ZNF44: variants seen among roughly 807,000 people sequenced by gnomAD.
ZNF44 encodes the protein zinc finger protein 44.
A neutral mutation model predicts 11.7 loss-of-function variants in ZNF44; 9 were observed. The ratio of observed to expected loss-of-function variants is 0.77; its 90% CI spans 0.46 to 1.35. The LOEUF (loss-of-function observed/expected upper bound fraction) is 1.35, where lower values mean the gene tolerates loss of function less well. Ranked by LOEUF, ZNF44 falls within the 40% of genes most tolerant of loss-of-function variation. The probability of loss-of-function intolerance (pLI) is 0.00; values close to 1 mark genes in which losing one functional copy is unlikely to be tolerated. For synonymous variants in ZNF44, 224 were observed against 242.7 expected (o/e 0.92, Z 0.72); for missense variants, 696 against 743.1 (o/e 0.94, Z 0.74).
Position 12,273,275 on chromosome 19 carries a change from T to C in ZNF44, c.980A>G (p.His327Arg), listed in dbSNP as rs1380584704. 1.2e-6 allele frequency: 2 copies of C among 1,614,194 alleles called. No homozygotes were observed. Among genetic ancestry groups the C allele is most frequent in the Non-Finnish European group, 8.5e-7 (1 of 1,180,026 alleles). The change falls in exon 4 of 4, where the codon CAC (histidine) becomes CGC (arginine). Residue 327 changes from histidine to arginine, a missense_variant. Physicochemically the swap from His to Arg is conservative, Grantham distance 29. Coordinates refer to ENST00000355684, the MANE Select transcript of ZNF44 (RefSeq NM_016264.4). ...AFCHLGSFQR[H>R]MIMHSGDGPH... ...TCCATCTCCACTGTGCATTATCATG[T>C]GTCTTTGAAAGCTTCCAAGATGACA...
downstream of ZNF44, among the ~76,000 whole-genome samples, chr19:12,225,695 C>A (rs2438559): frequency 0.23 from 35,652 of 152,064 alleles, 6,296 homozygotes; most frequent in African/African-American, 0.5. Flanking sequence ...AATTCCCACA[C>A]GGGTGGCGTA....
At chr19:12,233,370 C>A (rs1916237758) in intron 2 of ZNF44, among the ~76,000 whole-genome samples, 1 of 152,132 alleles carries the variant, frequency 6.6e-6, no homozygotes, top group Non-Finnish European at 1.5e-5. Context: ...CTTTAACCAT[C>A]AAGCTGTGTT....
chr19:12,294,662 G>A, intron 1 of ZNF44, 30 bp downstream of exon 1: 1 of 1,555,848 alleles, frequency 6.4e-7, no homozygotes, highest in Non-Finnish European at 8.7e-7. Flanking sequence ...CCTTCGCCCT[G>A]CCTCAGGACG....
downstream of ZNF44, chr19:12,247,159 T>C (rs1916791303): frequency 2.7e-6 from 1 of 369,444 alleles, no homozygotes; most frequent in Admixed American, 5.1e-5. Context: ...CTGAATTAAG[T>C]TATATCAGGC....
chr19:12,266,147 C>A, intron 5 of ZNF44: 1 of 643,682 alleles, frequency 1.6e-6, no homozygotes, highest in South Asian at 6.9e-5. Context: ...GGACCGAGGG[C>A]CGAGCTGTGC....
chr19:12,259,314 A>AG (rs1917399960), intron 5 of ZNF44, among the ~76,000 whole-genome samples: 1 of 152,220 alleles, frequency 6.6e-6, no homozygotes, highest in Non-Finnish European at 1.5e-5. Flanking sequence ...TATGATTATC[A>AG]GGATACCTTC....
chr19:12,245,410 T>A (rs966155681), downstream of ZNF44, among the ~76,000 whole-genome samples: 1 of 152,236 alleles, frequency 6.6e-6, no homozygotes, highest in Admixed American at 6.5e-5. Context: ...GTTTTTATCA[T>A]GTACAAACAT....
At chr19:12,274,421 C>T (rs1441364731) in intron 3 of ZNF44, among the ~76,000 whole-genome samples, 1 of 151,446 alleles carries the variant, frequency 6.6e-6, no homozygotes, top group Non-Finnish European at 1.5e-5. Flanking sequence ...TACAGGCATG[C>T]ACCACCACAC....
intron 1 of ZNF44, chr19:12,237,332 G>A (rs1462917279): frequency 1.3e-5 from 2 of 153,200 alleles, no homozygotes; most frequent in East Asian, 1.9e-4. Flanking sequence ...AGGGGACCCA[G>A]GGACGAGCTG....
chr19:12,225,234 G>GTAGT (rs1175080294), downstream of ZNF44: 1 of 152,332 alleles, frequency 6.6e-6, no homozygotes, highest in African/African-American at 2.4e-5. Flanking sequence ...ATATTTTTGG[G>GTAGT]TAGTTGTCTG....
At chr19:12,246,354 ATATTG>A (rs1916766913), downstream of ZNF44, among the ~76,000 whole-genome samples, 1 of 152,220 alleles carries the variant, frequency 6.6e-6, no homozygotes. Context: ...ATATAAGACT[ATATTG>A]TATAACCTTG....
At chr19:12,236,798 C>G (rs912868581) in intron 1 of ZNF44, among the ~76,000 whole-genome samples, 1 of 152,220 alleles carries the variant, frequency 6.6e-6, no homozygotes, top group Non-Finnish European at 1.5e-5. Flanking sequence ...TAACACTTCA[C>G]GTAGCCCACT....
upstream of ZNF44, among the ~76,000 whole-genome samples, chr19:12,241,958 G>A (rs1282717294): frequency 6.6e-6 from 1 of 152,100 alleles, no homozygotes; most frequent in African/African-American, 2.4e-5. Flanking sequence ...GACAAATACT[G>A]CATGCTTCTA....
In ZNF44 at chr19:12,274,573, CT is replaced by C. The variant is rs561043995; in HGVS notation, c.191+399del. ...ACAGGCATAAGCCACTGCGCCTGGC[CT>C]TTTTTTTTTTTTTAAGACAGGGTCT... On this transcript the variant is annotated intron_variant, in intron 3 of 3. Coordinates refer to ENST00000355684, the MANE Select transcript of ZNF44 (RefSeq NM_016264.4). Among the ~76,000 whole-genome samples the C allele has an allele frequency of 6.3e-3, 884 of 141,266 alleles. 5 individuals are homozygous for C. Among genetic ancestry groups the C allele is most frequent in the South Asian group, 0.014 (62 of 4,450 alleles). The allele number at this position is 141,266 out of a possible 152,430, so 92.7% of individuals were successfully genotyped here. A position where few individuals can be genotyped will look rare whatever the true frequency, so the allele number is the denominator to read the frequency against.
chr19:12,283,202 C>A (rs1967560070), intron 1 of ZNF44, among the ~76,000 whole-genome samples: 1 of 152,168 alleles, frequency 6.6e-6, no homozygotes, highest in African/African-American at 2.4e-5. Flanking sequence ...CCAACCAAAT[C>A]CCTGGAGACA....
At chr19:12,293,187 C>T in intron 1 of ZNF44, 1 of 1,519,816 alleles carries the variant, frequency 6.6e-7, no homozygotes, top group Non-Finnish European at 8.8e-7. Flanking sequence ...TAGCTTTTTA[C>T]AGGAATGATA....
intron 2 of ZNF44, among the ~76,000 whole-genome samples, chr19:12,232,511 C>T (rs1378133152): frequency 6.6e-6 from 1 of 152,110 alleles, no homozygotes; most frequent in Non-Finnish European, 1.5e-5. Flanking sequence ...TGTTTGTGTC[C>T]CTGGGTACTT....
At chr19:12,228,704 A>G (rs1476574366) in intron 3 of ZNF44, among the ~76,000 whole-genome samples, 2 of 152,138 alleles carry the variant, frequency 1.3e-5, no homozygotes, top group Non-Finnish European at 2.9e-5. Context: ...ATTATCTTTT[A>G]ATATAAAAGA....
chr19:12,288,101 C>G (rs1193115137), intron 1 of ZNF44, among the ~76,000 whole-genome samples: 1 of 152,182 alleles, frequency 6.6e-6, no homozygotes, highest in Non-Finnish European at 1.5e-5. Context: ...AACATTTCCA[C>G]AGACCCCACA....
Sources: gnomAD v4.1 joint callset for allele counts (sites outside exome capture counted in the v4.1 genomes callset) on GRCh38, gnomAD v4.1.1 for gene constraint, MANE v1.5 for transcripts, NCBI Gene and HGNC (gene_info 2026-07-23, HGNC 2026-07-21) for gene names.